Variants in KCNIP4 observed in about 807,000 individuals in gnomAD.
KCNIP4 encodes the protein potassium voltage-gated channel interacting protein 4.
A neutral mutation model predicts 34.0 loss-of-function variants in KCNIP4; 12 were observed. That is an observed-to-expected ratio of 0.35 (90% CI 0.23 to 0.57). The LOEUF is 0.57. Among genes scored for constraint, KCNIP4 ranks in the 20% least tolerant of loss-of-function variants. The pLI is 0.83. For missense variants in KCNIP4, 238 were observed against 311.7 expected, an observed-to-expected ratio of 0.76 and a Z score of 1.78; for synonymous variants, 124 against 102.2, an observed-to-expected ratio of 1.21 and a Z score of -1.29.
intron 1 of KCNIP4, among the ~76,000 whole-genome samples, chr4:21,839,193 G>A (rs1723535032): frequency 6.6e-6 from 1 of 151,982 alleles, no homozygotes; most frequent in Non-Finnish European, 1.5e-5. Flanking sequence ...TAGTATCTAT[G>A]TTCACAAATA....
intron 1 of KCNIP4, among the ~76,000 whole-genome samples, chr4:21,777,011 G>T (rs113310642): frequency 0.057 from 8,615 of 152,096 alleles, 815 homozygotes; most frequent in African/African-American, 0.19. Context: ...GACTTCAAGT[G>T]ATCTGCCCAC....
intron 3 of KCNIP4, among the ~76,000 whole-genome samples, chr4:20,831,392 T>C (rs151201029): frequency 2.0e-5 from 3 of 152,136 alleles, no homozygotes; most frequent in Non-Finnish European, 4.4e-5. Context: ...CCACACATCC[T>C]CCCCAAGTCT....
At chr4:21,116,926 A>G (rs1385546321) in intron 1 of KCNIP4, among the ~76,000 whole-genome samples, 1 of 152,136 alleles carries the variant, frequency 6.6e-6, no homozygotes, top group Non-Finnish European at 1.5e-5. Flanking sequence ...TTTTTTCTCT[A>G]TCCCCACAGG....
At chr4:21,023,211 A>G (rs1740230511) in intron 1 of KCNIP4, among the ~76,000 whole-genome samples, 1 of 152,224 alleles carries the variant, frequency 6.6e-6, no homozygotes, top group African/African-American at 2.4e-5. Flanking sequence ...ATAGTTAAAG[A>G]CCTAAATGAA....
chr4:21,467,074 ACAC>A (rs1212829891), intron 1 of KCNIP4, among the ~76,000 whole-genome samples: 3 of 4,272 alleles, frequency 7.0e-4, no homozygotes, highest in East Asian at 5.0e-3. Flanking sequence ...ACCAAAACAA[ACAC>A]ACACACACAC....
At chr4:21,887,681 T>C (rs1726859343) in intron 1 of KCNIP4, among the ~76,000 whole-genome samples, 1 of 152,140 alleles carries the variant, frequency 6.6e-6, no homozygotes, top group African/African-American at 2.4e-5. Flanking sequence ...CTGAACTCAT[T>C]TGCATGAAGA....
intron 1 of KCNIP4, among the ~76,000 whole-genome samples, chr4:21,651,470 A>C (rs1020890873): frequency 1.3e-5 from 2 of 152,210 alleles, no homozygotes; most frequent in African/African-American, 2.4e-5. Flanking sequence ...TGTTTAGAGA[A>C]ATGGGAATAA....
At chr4:21,257,966 A>C (rs1163089181) in intron 1 of KCNIP4, among the ~76,000 whole-genome samples, 3 of 152,112 alleles carry the variant, frequency 2.0e-5, no homozygotes, top group African/African-American at 4.8e-5. Flanking sequence ...CTTGCCTCTC[A>C]TCAAATCTCT....
intron 1 of KCNIP4, chr4:21,855,726 C>T (rs1724709203): frequency 6.6e-6 from 1 of 152,194 alleles, no homozygotes; most frequent in African/African-American, 2.4e-5. Context: ...TTTTCTGTCT[C>T]CAGAATGCTT....
intron 1 of KCNIP4, among the ~76,000 whole-genome samples, chr4:21,107,004 AGCTTTACTT>A (rs1340840767): frequency 2.0e-5 from 3 of 148,156 alleles, no homozygotes; most frequent in Non-Finnish European, 4.4e-5. Flanking sequence ...TGCTGAGGAG[AGCTTTACTT>A]CCAAGTATGT....
intron 1 of KCNIP4, among the ~76,000 whole-genome samples, chr4:20,988,653 A>T (rs1736808530): frequency 6.6e-6 from 1 of 152,216 alleles, no homozygotes; most frequent in African/African-American, 2.4e-5. Context: ...TAGAATCACA[A>T]TGTATATAGA....
intron 1 of KCNIP4, among the ~76,000 whole-genome samples, chr4:21,512,918 C>T (rs948391916): frequency 6.6e-6 from 1 of 152,146 alleles, no homozygotes; most frequent in Non-Finnish European, 1.5e-5. Flanking sequence ...TATGGCAGTT[C>T]TGTTAAATAA....
intron 1 of KCNIP4, among the ~76,000 whole-genome samples, chr4:21,817,437 C>G (rs1363982928): frequency 1.3e-5 from 2 of 151,980 alleles, no homozygotes; most frequent in Non-Finnish European, 2.9e-5. Context: ...ATCAGTGCAC[C>G]TTGAAAAAGA....
At chr4:21,312,136 C>G (rs1713251946) in intron 1 of KCNIP4, among the ~76,000 whole-genome samples, 1 of 152,158 alleles carries the variant, frequency 6.6e-6, no homozygotes. Flanking sequence ...GACAGGGACT[C>G]AAACAACTCA....
chr4:20,908,599 C>A (rs1310262971), intron 1 of KCNIP4, among the ~76,000 whole-genome samples: 1 of 152,104 alleles, frequency 6.6e-6, no homozygotes, highest in Non-Finnish European at 1.5e-5. Flanking sequence ...CTTTAATATG[C>A]CATTTTCAAA....
At chr4:21,304,385 G>A (rs1255528581) in intron 1 of KCNIP4, among the ~76,000 whole-genome samples, 1 of 152,134 alleles carries the variant, frequency 6.6e-6, no homozygotes, top group Admixed American at 6.5e-5. Context: ...GAGGCCCGGC[G>A]CGGAGGAGAT....
intron 1 of KCNIP4, among the ~76,000 whole-genome samples, chr4:21,693,470 G>C (rs919158140): frequency 1.3e-5 from 2 of 151,970 alleles, no homozygotes; most frequent in East Asian, 1.9e-4. Context: ...CTGAGGCAGA[G>C]AGAATTGATT....
rs1757412512 is a variant in KCNIP4 at position 21,214,239 on chromosome 4, C to G, written c.62-331530G>C. Among the ~76,000 whole-genome samples, 2 of 152,140 alleles carry G rather than the reference C, an allele frequency of 1.3e-5. 1 individual carries two copies. The highest frequency in any genetic ancestry group is 4.1e-4 in the South Asian group (2 of 4,830). Reference sequence around the variant, plus strand: ...AACAATGTGTATGTGTATTACATATCAAACAATAAACATGTGTGAGCCATG... The same window carrying G: ...AACAATGTGTATGTGTATTACATATGAAACAATAAACATGTGTGAGCCATG... On this transcript the variant is annotated intron_variant, in intron 1 of 8. Coordinates refer to ENST00000382152, the MANE Select transcript of KCNIP4 (RefSeq NM_025221.6).
intron 1 of KCNIP4, among the ~76,000 whole-genome samples, chr4:21,016,109 A>G (rs1053211701): frequency 2.0e-5 from 3 of 150,212 alleles, no homozygotes; most frequent in Admixed American, 6.7e-5. Flanking sequence ...ATCGTCACCT[A>G]TGTAATCTTC....
Sources: gnomAD v4.1 joint callset for allele counts (sites outside exome capture counted in the v4.1 genomes callset) on GRCh38, gnomAD v4.1.1 for gene constraint, MANE v1.5 for transcripts, NCBI Gene and HGNC (gene_info 2026-07-23, HGNC 2026-07-21) for gene names.